The following GNG7 variants were observed in gnomAD, a reference collection of about 807,000 sequenced individuals.
The protein encoded by GNG7 is guanine nucleotide-binding protein G(I)/G(S)/G(O) subunit gamma-7.
Under a neutral mutation model 4.0 loss-of-function variants are expected in GNG7, and 1 was observed. The observed-to-expected ratio is 0.25, with a 90% CI of 0.09 to 1.18. GNG7 has a LOEUF of 1.18. Among genes scored for constraint, GNG7 ranks in the 50% most tolerant of loss-of-function variants. GNG7 has a pLI of 0.50. For missense variants in GNG7, 86 were observed against 91.9 expected (o/e 0.94, Z 0.26); for synonymous variants, 34 against 36.9 (o/e 0.92, Z 0.29).
At chr19:2,570,946 C>T (rs562348438) in intron 2 of GNG7, among the ~76,000 whole-genome samples, 77 of 149,988 alleles carry the variant, frequency 5.1e-4, no homozygotes, top group African/African-American at 1.7e-3. Context: ...TACATGTGCA[C>T]GCCACCACGC....
At chr19:2,637,720 G>A (rs1207530101) in intron 2 of GNG7, among the ~76,000 whole-genome samples, 1 of 152,166 alleles carries the variant, frequency 6.6e-6, no homozygotes, top group Non-Finnish European at 1.5e-5. Context: ...CTCTGGGGTG[G>A]GGCCGTCCTG....
chr19:2,602,937 T>G (rs1271805164), intron 2 of GNG7, among the ~76,000 whole-genome samples: 2 of 151,644 alleles, frequency 1.3e-5, no homozygotes, highest in African/African-American at 4.9e-5. Context: ...GTTTCTTCCT[T>G]TCTTCCTTTC....
In GNG7 at chr19:2,511,754, G is replaced by T. The variant is rs181618915; in HGVS notation, c.*3268C>A. 651 of 961,496 alleles carry T rather than the reference G, an allele frequency of 6.8e-4. No homozygotes were observed. The African/African-American group carries it at 0.011, about 16-fold the overall frequency. 59.6% of individuals were successfully genotyped at this position (961,496 alleles called of 1,614,324 possible). A position where few individuals can be genotyped will look rare whatever the true frequency, so the allele number is the denominator to read the frequency against. On this transcript the variant is annotated 3_prime_UTR_variant, in exon 5 of 5. Coordinates refer to ENST00000382159, the MANE Select transcript of GNG7 (RefSeq NM_052847.3). This position sits in a 1 kb window ranked among gnomAD's most constrained non-coding sequence, Gnocchi z 6.3. Reference sequence around the variant, plus strand: ...GGACCACGCAGAAGGAGGGAAACAGGAGCACCTTCCGCCCTGGCCCAGCCG... The same window carrying T: ...GGACCACGCAGAAGGAGGGAAACAGTAGCACCTTCCGCCCTGGCCCAGCCG...
At chr19:2,561,967 C>T (rs530545336) in intron 2 of GNG7, among the ~76,000 whole-genome samples, 3 of 152,250 alleles carry the variant, frequency 2.0e-5, no homozygotes, top group Admixed American at 6.5e-5. Flanking sequence ...AGGCAGCTGC[C>T]CCGGGGCGAC....
intron 1 of GNG7, among the ~76,000 whole-genome samples, chr19:2,663,912 T>A (rs1200435562): frequency 2.0e-5 from 3 of 152,182 alleles, no homozygotes; most frequent in East Asian, 1.9e-4. Context: ...CTGAGTAGCA[T>A]CCCTGGTCTC....
chr19:2,676,840 C>G (rs79031247), intron 1 of GNG7, among the ~76,000 whole-genome samples: 1 of 152,200 alleles, frequency 6.6e-6, no homozygotes, highest in Middle Eastern at 3.4e-3. Flanking sequence ...GTGCAAGACT[C>G]AAAGAGATGT....
intron 2 of GNG7, among the ~76,000 whole-genome samples, chr19:2,579,168 C>T (rs1339737546): frequency 1.3e-5 from 2 of 152,272 alleles, no homozygotes; most frequent in Non-Finnish European, 2.9e-5. Context: ...GTGCCCCCGG[C>T]CGGGCAGGTC....
chr19:2,699,377 G>A (rs1176237603), intron 1 of GNG7, among the ~76,000 whole-genome samples: 1 of 152,108 alleles, frequency 6.6e-6, no homozygotes, highest in East Asian at 1.9e-4. Flanking sequence ...TTGAATTCCT[G>A]ACCTCAAGTG....
intron 2 of GNG7, among the ~76,000 whole-genome samples, chr19:2,613,886 C>G (rs1981643688): frequency 6.6e-6 from 1 of 152,178 alleles, no homozygotes; most frequent in Non-Finnish European, 1.5e-5. Context: ...CCTGGCTATG[C>G]CAAGAAACTC....
chr19:2,521,273 A>G (rs1978307115), intron 3 of GNG7, among the ~76,000 whole-genome samples: 1 of 152,008 alleles, frequency 6.6e-6, no homozygotes. Flanking sequence ...CTCAAAAAAA[A>G]AAATAAAGAA....
At chr19:2,567,331 T>TTGTGTGTGTG (rs3221748) in intron 2 of GNG7, among the ~76,000 whole-genome samples, 6,967 of 137,098 alleles carry the variant, frequency 0.051, 236 homozygotes, top group Middle Eastern at 0.1. Context: ...TGTCGTCGAT[T>TTGTGTGTGTG]TGTGTGTGTG....
At chr19:2,560,207 C>A (rs1330446311) in intron 2 of GNG7, among the ~76,000 whole-genome samples, 2 of 152,046 alleles carry the variant, frequency 1.3e-5, no homozygotes, top group South Asian at 2.1e-4. Context: ...CCGGCGAATT[C>A]GCAAATACGG....
chr19:2,674,662 C>G (rs1983549417), intron 1 of GNG7, among the ~76,000 whole-genome samples: 1 of 152,180 alleles, frequency 6.6e-6, no homozygotes, highest in African/African-American at 2.4e-5. Flanking sequence ...TCTCGAACTC[C>G]TGACCTCAGG....
At chr19:2,621,565 T>C (rs1477301297) in intron 2 of GNG7, among the ~76,000 whole-genome samples, 2 of 151,660 alleles carry the variant, frequency 1.3e-5, no homozygotes, top group East Asian at 3.9e-4. Context: ...GGCGTGTTGG[T>C]GCGCGCCTGT....
intron 2 of GNG7, among the ~76,000 whole-genome samples, chr19:2,604,007 C>T (rs544935772): frequency 7.9e-5 from 12 of 152,052 alleles, no homozygotes; most frequent in South Asian, 2.1e-4. Flanking sequence ...CCCGCCACCA[C>T]GCCCCGCTAA....
chr19:2,626,533 A>G lies in GNG7; in HGVS notation c.-78+19691T>C, dbSNP rs1982026278. Among the ~76,000 whole-genome samples, 1 of 151,950 alleles carries G rather than the reference A, an allele frequency of 6.6e-6. No homozygotes were observed. Among genetic ancestry groups the G allele is most frequent in the South Asian group, 2.1e-4 (1 of 4,820 alleles). ...GTCCTGGAACCATCTCTGCACCTGTATCCCCCACCCCACCTGTCACCTTCA... is the reference window on the plus strand; with the variant it reads ...GTCCTGGAACCATCTCTGCACCTGTGTCCCCCACCCCACCTGTCACCTTCA... On this transcript the variant is annotated intron_variant, in intron 2 of 4. Coordinates refer to ENST00000382159, the MANE Select transcript of GNG7 (RefSeq NM_052847.3). This position sits in a 1 kb window ranked among gnomAD's most constrained non-coding sequence, Gnocchi z 5.0.
At position 2,513,364 on chromosome 19, in the gene GNG7, G is replaced by T; in HGVS notation, c.*1658C>A. The T allele has an allele frequency of 2.4e-6, 1 of 424,820 alleles. No individual in the cohort carries two copies. Among genetic ancestry groups the T allele is most frequent in the African/African-American group, 2.2e-5 (1 of 46,480 alleles). 26.3% of individuals were successfully genotyped at this position (424,820 alleles called of 1,614,324 possible). A position where few individuals can be genotyped will look rare whatever the true frequency, so the allele number is the denominator to read the frequency against. On this transcript the variant is annotated 3_prime_UTR_variant, in exon 5 of 5. Transcript: ENST00000382159. ...CTTGCTTCTAGGCCAGCCCCGTGGAGGGGGTCGGGGCGGCCAGGCCTCCTG... is the reference window on the plus strand; with the variant it reads ...CTTGCTTCTAGGCCAGCCCCGTGGATGGGGTCGGGGCGGCCAGGCCTCCTG...
intron 2 of GNG7, among the ~76,000 whole-genome samples, 174 bp from the exon 3 acceptor site, chr19:2,555,362 T>C (rs1979511574): frequency 1.3e-5 from 2 of 152,164 alleles, no homozygotes; most frequent in African/African-American, 4.8e-5. Flanking sequence ...CAGAATCCAC[T>C]TTATTCTTTA....
chr19:2,616,424 T>C (rs1453754495), intron 2 of GNG7, among the ~76,000 whole-genome samples: 1 of 152,044 alleles, frequency 6.6e-6, no homozygotes, highest in Non-Finnish European at 1.5e-5. Flanking sequence ...TTTGTATTTT[T>C]AGTAGAGATG....
Sources: allele counts gnomAD v4.1 joint callset (sites outside exome capture counted in the v4.1 genomes callset), GRCh38; gene constraint gnomAD v4.1.1; non-coding constraint Gnocchi (gnomAD v3.1); transcripts MANE v1.5; gene names NCBI Gene and HGNC (gene_info 2026-07-23, HGNC 2026-07-21).